EXOC4: variants seen among roughly 807,000 people sequenced by gnomAD.
The protein encoded by EXOC4 is exocyst complex component 4.
EXOC4 carries 71 observed loss-of-function variants against 107.2 expected under a neutral mutation model. That is an observed-to-expected ratio of 0.66 (90% CI 0.55 to 0.81). The LOEUF is 0.81. Among genes scored for constraint, EXOC4 ranks in the 30% least tolerant of loss-of-function variants. EXOC4 has a pLI of 0.00. For missense variants in EXOC4, 1,108 were observed against 1,189.6 expected (o/e 0.93, Z 1.01); for synonymous variants, 456 against 441.2 (o/e 1.03, Z -0.42).
intron 9 of EXOC4, among the ~76,000 whole-genome samples, chr7:133,618,955 T>C (rs1031114342): frequency 6.6e-6 from 1 of 152,144 alleles, no homozygotes; most frequent in African/African-American, 2.4e-5. Flanking sequence ...TCGTCATGGC[T>C]CATATTTTGC....
At chr7:133,675,542 C>G (rs1157958763) in intron 10 of EXOC4, among the ~76,000 whole-genome samples, 1 of 152,066 alleles carries the variant, frequency 6.6e-6, no homozygotes, top group Admixed American at 6.6e-5. Context: ...ACAGTATAGG[C>G]CATAGTTCTG....
chr7:133,927,767 T>C (rs958798995), intron 13 of EXOC4, among the ~76,000 whole-genome samples: 1 of 152,190 alleles, frequency 6.6e-6, no homozygotes, highest in South Asian at 2.1e-4. Context: ...GAGATGAAGG[T>C]CATAGATGGA....
intron 10 of EXOC4, among the ~76,000 whole-genome samples, chr7:133,797,288 T>C (rs767059255): frequency 3.5e-4 from 53 of 152,162 alleles, no homozygotes; most frequent in Non-Finnish European, 6.8e-4. Context: ...TATGTTACTT[T>C]TTACAGGGGG....
intron 9 of EXOC4, among the ~76,000 whole-genome samples, chr7:133,598,357 G>T (rs1163133301): frequency 1.3e-5 from 2 of 152,126 alleles, no homozygotes; most frequent in African/African-American, 2.4e-5. Context: ...TTGTCCTTTT[G>T]AAAGCTGTGC....
chr7:133,758,577 A>G (rs1795966508), intron 10 of EXOC4, among the ~76,000 whole-genome samples: 1 of 152,386 alleles, frequency 6.6e-6, no homozygotes. Context: ...ATACAAATCA[A>G]CAGGTACACA....
At chr7:133,593,036 C>T (rs1033764471) in intron 9 of EXOC4, among the ~76,000 whole-genome samples, 8 of 152,168 alleles carry the variant, frequency 5.3e-5, no homozygotes, top group Non-Finnish European at 1.2e-4. Context: ...CATGAGCCAC[C>T]GTGCCTGGCC....
chr7:133,371,943 C>G (rs1444497965), intron 6 of EXOC4, among the ~76,000 whole-genome samples: 8 of 152,136 alleles, frequency 5.3e-5, no homozygotes, highest in Non-Finnish European at 8.8e-5. Context: ...GACCGAAATT[C>G]TAGCTCATTG....
intron 5 of EXOC4, among the ~76,000 whole-genome samples, chr7:133,339,326 G>A (rs1795605013): frequency 6.6e-6 from 1 of 152,098 alleles, no homozygotes; most frequent in South Asian, 2.1e-4. Flanking sequence ...GTAAGTATTT[G>A]GGTTTATTTC....
chr7:133,809,388 C>T (rs551188194), intron 10 of EXOC4, among the ~76,000 whole-genome samples: 16 of 152,246 alleles, frequency 1.1e-4, no homozygotes, highest in South Asian at 1.0e-3. Context: ...GCAAAGCTTC[C>T]GCAGACCTGT....
rs188700956 is a variant in EXOC4, at chr7:133,779,352, G to A, written c.1515-37973G>A. On this transcript the variant is annotated intron_variant, in intron 10 of 17. Transcript: ENST00000253861. ...AATACTACTAACTCTTATTTTTGCC[G>A]CAGTGTTGAGAAGTACGGATTTATG... Among the ~76,000 whole-genome samples, 287 of 151,958 alleles carry A rather than the reference G, an allele frequency of 1.9e-3. 2 individuals are homozygous for A. Among genetic ancestry groups the A allele is most frequent in the African/African-American group, 5.5e-3 (229 of 41,444 alleles).
At position 134,061,055 on chromosome 7, in the gene EXOC4, T is replaced by G. The variant is rs139871771; in HGVS notation, c.2688-3236T>G. Among the ~76,000 whole-genome samples, 149 of 152,280 alleles carry G rather than the reference T, an allele frequency of 9.8e-4. 1 individual carries two copies. In the East Asian group the frequency reaches 0.028, roughly 29 times the overall value. On this transcript the variant is annotated intron_variant, in intron 17 of 17. Transcript: ENST00000253861. ...GATATTGAAACATTAAGGACTTAAGTGGCATGCCCTTTATCACTCATCACA... is the reference window on the plus strand; with the variant it reads ...GATATTGAAACATTAAGGACTTAAGGGGCATGCCCTTTATCACTCATCACA...
chr7:133,716,081 A>G (rs1794992495), intron 10 of EXOC4, among the ~76,000 whole-genome samples: 1 of 152,236 alleles, frequency 6.6e-6, no homozygotes, highest in African/African-American at 2.4e-5. Flanking sequence ...TTAAAGTCAA[A>G]TACTTAAAGA....
At chr7:133,263,403 A>T (rs1486783331) in intron 1 of EXOC4, among the ~76,000 whole-genome samples, 3 of 107,746 alleles carry the variant, frequency 2.8e-5, no homozygotes, top group Admixed American at 1.2e-4. Flanking sequence ...TTTTTTTGAG[A>T]CAGGGTCTCA....
At chr7:133,760,219 C>T (rs1011753328) in intron 10 of EXOC4, among the ~76,000 whole-genome samples, 2 of 152,036 alleles carry the variant, frequency 1.3e-5, no homozygotes, top group Non-Finnish European at 2.9e-5. Flanking sequence ...TTCAGAAGAC[C>T]CTGTCCATTT....
intron 11 of EXOC4, among the ~76,000 whole-genome samples, chr7:133,877,125 G>A (rs957495680): frequency 6.6e-6 from 1 of 150,866 alleles, no homozygotes; most frequent in Admixed American, 6.6e-5. Flanking sequence ...GTTTTATTTG[G>A]AATAGTTTCT....
At chr7:134,094,158 A>G in the EXOC4 span, among the ~76,000 whole-genome samples, 6 of 152,202 alleles carry the variant, frequency 3.9e-5, no homozygotes, top group Admixed American at 1.3e-4. Flanking sequence ...AGGATGAACA[A>G]GATTAATAAT....
intron 7 of EXOC4, among the ~76,000 whole-genome samples, chr7:133,402,687 A>T (rs947319775): frequency 6.6e-6 from 1 of 151,850 alleles, no homozygotes; most frequent in East Asian, 2.0e-4. Flanking sequence ...TATTTTTAGC[A>T]GAGATGGGGT....
intron 17 of EXOC4, among the ~76,000 whole-genome samples, chr7:134,044,562 C>G (rs971908218): frequency 2.0e-5 from 3 of 152,192 alleles, no homozygotes; most frequent in Non-Finnish European, 2.9e-5. Flanking sequence ...ACCTTGCTGT[C>G]TAGAACAGCG....
chr7:133,390,605 C>A (rs551279770), intron 7 of EXOC4, among the ~76,000 whole-genome samples: 1 of 152,220 alleles, frequency 6.6e-6, no homozygotes, highest in South Asian at 2.1e-4. Flanking sequence ...CCTTCAGAAG[C>A]CCAGCCTGAC....
Sources: allele counts gnomAD v4.1 joint callset (sites outside exome capture counted in the v4.1 genomes callset), GRCh38; gene constraint gnomAD v4.1.1; transcripts MANE v1.5; gene names NCBI Gene and HGNC (gene_info 2026-07-23, HGNC 2026-07-21).